MACO1: variants seen among roughly 807,000 people sequenced by gnomAD.
MACO1 encodes the protein macoilin 1, also known as macoilin.
MACO1 carries 14 observed loss-of-function variants against 78.7 expected under a neutral mutation model. That is an observed-to-expected ratio of 0.18 (90% CI 0.12 to 0.28). MACO1 has a LOEUF of 0.28. Among genes scored for constraint, MACO1 ranks in the 10% least tolerant of loss-of-function variants. The pLI is 1.00. For synonymous variants in MACO1, 288 were observed against 291.6 expected (o/e 0.99, Z 0.12); for missense variants, 501 against 799.0 (o/e 0.63, Z 4.50).
chr1:25,486,689 C>A (rs1274951584), intron 8 of MACO1, among the ~76,000 whole-genome samples: 1 of 152,114 alleles, frequency 6.6e-6, no homozygotes, highest in Non-Finnish European at 1.5e-5. Flanking sequence ...TTTGTGGGTT[C>A]TGGCATTTGC....
chr1:25,475,843 C>G (rs2043317283), intron 6 of MACO1, among the ~76,000 whole-genome samples: 1 of 152,182 alleles, frequency 6.6e-6, no homozygotes, highest in African/African-American at 2.4e-5. Flanking sequence ...AAATTAAGCT[C>G]ATACTATGTA....
intron 7 of MACO1, 43 bp downstream of exon 7, chr1:25,484,317 T>A (rs754821631): frequency 6.5e-7 from 1 of 1,530,640 alleles, no homozygotes; most frequent in Non-Finnish European, 8.8e-7. Context: ...CCCGGCAGCT[T>A]CACTGCTTCT....
At chr1:25,497,417 C>T (rs1415044849) in intron 10 of MACO1, among the ~76,000 whole-genome samples, 1 of 150,804 alleles carries the variant, frequency 6.6e-6, no homozygotes, top group Non-Finnish European at 1.5e-5. Flanking sequence ...TTGTAGGAAG[C>T]TAATTTAGAC....
chr1:25,484,921 A>G (rs1282594399), intron 7 of MACO1, among the ~76,000 whole-genome samples: 3 of 152,224 alleles, frequency 2.0e-5, no homozygotes, highest in African/African-American at 7.2e-5. Flanking sequence ...CTAGGGCATT[A>G]CAGGCAAATA....
At chr1:25,467,356 A>G (rs1400590110) in intron 6 of MACO1, among the ~76,000 whole-genome samples, 3 of 152,212 alleles carry the variant, frequency 2.0e-5, no homozygotes, top group Non-Finnish European at 4.4e-5. Flanking sequence ...AGAGGAATCA[A>G]CAATTTTGTT....
chr1:25,438,179 A>G (rs895647232), intron 1 of MACO1, among the ~76,000 whole-genome samples: 1 of 152,206 alleles, frequency 6.6e-6, no homozygotes, highest in African/African-American at 2.4e-5. Context: ...TACTTTTAAC[A>G]GTGTGGAGTC....
At chr1:25,439,766 C>G (rs1298626161) in intron 1 of MACO1, among the ~76,000 whole-genome samples, 2 of 151,240 alleles carry the variant, frequency 1.3e-5, no homozygotes, top group Non-Finnish European at 2.9e-5. Context: ...CACCTGTAAT[C>G]CCAGCACTTT....
chr1:25,483,509 T>C (rs1342665361), intron 6 of MACO1, among the ~76,000 whole-genome samples: 2 of 152,226 alleles, frequency 1.3e-5, no homozygotes, highest in African/African-American at 4.8e-5. Context: ...TGGAGTTCTC[T>C]TATGATTCTT....
At position 25,489,203 on chromosome 1, in the gene MACO1, G is replaced by C; in HGVS notation, c.1527G>C (p.Arg509=). Residue 509 remains arginine, a synonymous_variant, in exon 9 of 11, where the codon CGG becomes CGC. Coordinates refer to ENST00000374343, the MANE Select transcript of MACO1 (RefSeq NM_018202.6). The part of the protein sequence containing the change: ...RGECTETLRN[R]IRELEAEGKK... ...AATGCACCGAAACCTTACGGAATCG[G>C]ATCAGAGAACTAGAAGCAGAGGGCA... is the stretch of plus-strand genomic sequence containing the variant. 6.2e-7 allele frequency: 1 copy of C among 1,613,956 alleles called. No homozygotes were observed.
intron 2 of MACO1, among the ~76,000 whole-genome samples, chr1:25,447,238 C>G (rs2043024465): frequency 6.6e-6 from 1 of 152,014 alleles, no homozygotes; most frequent in Admixed American, 6.6e-5. Context: ...TTGCTCAGTC[C>G]TGCTTTGAAG....
chr1:25,433,351 G>A (rs955032386), intron 1 of MACO1, among the ~76,000 whole-genome samples: 1 of 151,934 alleles, frequency 6.6e-6, no homozygotes, highest in African/African-American at 2.4e-5. Flanking sequence ...TGAGTGGACT[G>A]GTTATAAACT....
chr1:25,481,037 C>G (rs2043372915), intron 6 of MACO1, among the ~76,000 whole-genome samples: 1 of 142,862 alleles, frequency 7.0e-6, no homozygotes, highest in South Asian at 2.2e-4. Context: ...GGTCTCATAA[C>G]TGCATTAGCT....
At chr1:25,467,173 G>A (rs1306694170) in intron 6 of MACO1, among the ~76,000 whole-genome samples, 1 of 152,076 alleles carries the variant, frequency 6.6e-6, no homozygotes, top group Non-Finnish European at 1.5e-5. Context: ...CAGGAGAATC[G>A]CTTGAACCCA....
At chr1:25,497,874 C>T (rs756492507) in intron 10 of MACO1, among the ~76,000 whole-genome samples, 10 of 152,222 alleles carry the variant, frequency 6.6e-5, no homozygotes, top group African/African-American at 1.9e-4. Flanking sequence ...ATGTTCAAAA[C>T]GTGGTTCCTG....
chr1:25,481,743 C>G (rs1190009904), intron 6 of MACO1, among the ~76,000 whole-genome samples: 2 of 152,164 alleles, frequency 1.3e-5, no homozygotes, highest in Non-Finnish European at 2.9e-5. Flanking sequence ...AGAGTACATT[C>G]AACTGGAATA....
At chr1:25,471,839 C>G (rs1338388014) in intron 6 of MACO1, among the ~76,000 whole-genome samples, 1 of 152,190 alleles carries the variant, frequency 6.6e-6, no homozygotes, top group African/African-American at 2.4e-5. Flanking sequence ...TTGCTCCAAA[C>G]CCCTTTTCTT....
At chr1:25,441,467 G>A (rs912293017) in intron 1 of MACO1, among the ~76,000 whole-genome samples, 2 of 152,318 alleles carry the variant, frequency 1.3e-5, no homozygotes, top group African/African-American at 4.8e-5. Flanking sequence ...TTATAGGCGT[G>A]AGCCACTGCT....
rs1483230476 is a variant in MACO1, at chr1:25,431,121, G to T, written c.23G>T (p.Cys8Phe). The T allele has an allele frequency of 1.3e-6, 2 of 1,596,694 alleles. No homozygotes were observed. Among genetic ancestry groups the T allele is most frequent in the Non-Finnish European group, 1.7e-6 (2 of 1,173,942 alleles). MKRRNAD[C>F]SKLRRPLKRN... ...AGGATGAAGCGGCGGAACGCCGACT[G>T]CAGTAAGCTCCGCCGCCCCCTAAAG... The change falls in exon 1 of 11, where the codon TGC becomes TTC. Residue 8 changes from cysteine (C) to phenylalanine (F), a missense_variant. By Grantham distance (205) the Cys-to-Phe change is radical. Around this residue, in one of 5 missense-constraint regions of MACO1, gnomAD observed 171 missense variants for 292.1 expected, o/e 0.59. Transcript: ENST00000374343.
Position 25,475,844 on chromosome 1 carries a change from A to T in MACO1, c.1155-8272A>T, listed in dbSNP as rs572532779. Reference sequence around the variant, plus strand: ...ATATTCTTTTTACAAAATTAAGCTCATACTATGTATGTTTTGTAGCTTTTA... The same window carrying T: ...ATATTCTTTTTACAAAATTAAGCTCTTACTATGTATGTTTTGTAGCTTTTA... On this transcript the variant is annotated intron_variant, in intron 6 of 10. Coordinates refer to ENST00000374343, the MANE Select transcript of MACO1 (RefSeq NM_018202.6). 2.0e-5 allele frequency among the ~76,000 whole-genome samples: 3 copies of T among 152,330 alleles called. No homozygotes were observed. In the East Asian group the frequency reaches 5.8e-4, roughly 29 times the overall value.
Sources: gnomAD v4.1 joint callset for allele counts (sites outside exome capture counted in the v4.1 genomes callset) on GRCh38, gnomAD v4.1.1 for gene constraint, gnomAD v4.1.1 regional missense constraint, MANE v1.5 for transcripts, NCBI Gene and HGNC (gene_info 2026-07-23, HGNC 2026-07-21) for gene names.